The following ATOSA variants were observed in gnomAD, a reference collection of about 807,000 sequenced individuals.
The protein encoded by ATOSA is atos homolog protein A.
the ATOSA span, chr15:52,678,311 C>T: frequency 3.4e-6 from 2 of 583,544 alleles, no homozygotes; most frequent in East Asian, 2.8e-5. Context: ...CCTTCCCTGC[C>T]TCTGTGCTCT....
the ATOSA span, among the ~76,000 whole-genome samples, chr15:52,614,574 G>A: frequency 5.3e-5 from 8 of 151,942 alleles, no homozygotes; most frequent in South Asian, 6.3e-4. Flanking sequence ...CGGGCCGGGC[G>A]TGGTGGCTCA....
At chr15:52,679,765 C>A in the ATOSA span, among the ~76,000 whole-genome samples, 4 of 18,240 alleles carry the variant, frequency 2.2e-4, no homozygotes, top group Admixed American at 5.3e-4. Context: ...TCTCCTCCTC[C>A]TCCTCCTCCT....
At chr15:52,654,566 C>T in the ATOSA span, among the ~76,000 whole-genome samples, 59 of 152,248 alleles carry the variant, frequency 3.9e-4, no homozygotes, top group Middle Eastern at 6.8e-3. Context: ...AACAAACCTC[C>T]TTCCCCTGCT....
chr15:52,662,514 T>C, the ATOSA span, among the ~76,000 whole-genome samples: 1 of 152,174 alleles, frequency 6.6e-6, no homozygotes, highest in African/African-American at 2.4e-5. Context: ...CTCAAGCCTG[T>C]AATCCCAGCA....
the ATOSA span, chr15:52,609,519 A>G: frequency 4.0e-5 from 65 of 1,613,466 alleles, no homozygotes; most frequent in Non-Finnish European, 5.5e-5. Flanking sequence ...CAACAGGCAT[A>G]TGAGAATAAA....
the ATOSA span, among the ~76,000 whole-genome samples, chr15:52,642,972 T>G: frequency 6.6e-6 from 1 of 151,952 alleles, no homozygotes; most frequent in Non-Finnish European, 1.5e-5. Context: ...ACAGCCCCTA[T>G]CTACCTTTTT....
At chr15:52,593,701 G>A in the ATOSA span, 6 of 1,557,170 alleles carry the variant, frequency 3.9e-6, no homozygotes, top group South Asian at 7.1e-5. Context: ...CATCAACAAT[G>A]CCGAGAGGAT....
At chr15:52,691,436 A>C in the ATOSA span, among the ~76,000 whole-genome samples, 1 of 152,348 alleles carries the variant, frequency 6.6e-6, no homozygotes, top group African/African-American at 2.4e-5. Flanking sequence ...ACAGCAGGTA[A>C]CTTTTAATTA....
At chr15:52,687,840 T>C in the ATOSA span, among the ~76,000 whole-genome samples, 1,539 of 152,346 alleles carry the variant, frequency 0.01, 11 homozygotes, top group Non-Finnish European at 0.015. Flanking sequence ...TCAGAGTATA[T>C]GTCCCAGCTT....
At chr15:52,626,317 G>C in the ATOSA span, among the ~76,000 whole-genome samples, 1 of 152,088 alleles carries the variant, frequency 6.6e-6, no homozygotes, top group African/African-American at 2.4e-5. Context: ...AGATCATGTG[G>C]TTCCAGAAAC....
chr15:52,596,514 A>G, the ATOSA span, among the ~76,000 whole-genome samples: 7 of 152,324 alleles, frequency 4.6e-5, no homozygotes, highest in African/African-American at 1.7e-4. Context: ...ATCTAAACGT[A>G]TGAGCTAATA....
chr15:52,645,655 T>G, the ATOSA span, among the ~76,000 whole-genome samples: 1 of 152,158 alleles, frequency 6.6e-6, no homozygotes, highest in Non-Finnish European at 1.5e-5. Context: ...CCTGCACTAA[T>G]CCTATTCAAT....
chr15:52,623,540 C>T, the ATOSA span, among the ~76,000 whole-genome samples: 6 of 151,818 alleles, frequency 4.0e-5, no homozygotes, highest in African/African-American at 4.8e-5. Flanking sequence ...TAGAAGACGA[C>T]GAACAGCAAA....
chr15:52,618,832 G>C, the ATOSA span, among the ~76,000 whole-genome samples: 11 of 152,024 alleles, frequency 7.2e-5, no homozygotes, highest in African/African-American at 2.7e-4. Flanking sequence ...TTACAGGTGT[G>C]AGCCACTGCC....
chr15:52,678,296 C>G, the ATOSA span: 1 of 592,770 alleles, frequency 1.7e-6, no homozygotes, highest in African/African-American at 1.9e-5. Context: ...CCGGATCGAG[C>G]ACCCCCTTCC....
At chr15:52,636,521 T>C in the ATOSA span, among the ~76,000 whole-genome samples, 1 of 152,158 alleles carries the variant, frequency 6.6e-6, no homozygotes, top group Non-Finnish European at 1.5e-5. Flanking sequence ...TTCTTTATAT[T>C]ATCTTAAAAG....
chr15:52,653,127 G>A, the ATOSA span, among the ~76,000 whole-genome samples: 1 of 152,190 alleles, frequency 6.6e-6, no homozygotes, highest in South Asian at 2.1e-4. Flanking sequence ...GGAAAGGTTT[G>A]TGGGAGTAGG....
At chr15:52,600,187 T>C in the ATOSA span, 18 of 1,611,954 alleles carry the variant, frequency 1.1e-5, no homozygotes, top group Non-Finnish European at 1.5e-5. Flanking sequence ...TCAAAAATGG[T>C]TTTTCATGAA....
chr15:52,667,740 T>C, the ATOSA span, among the ~76,000 whole-genome samples: 2 of 152,180 alleles, frequency 1.3e-5, no homozygotes, highest in East Asian at 1.9e-4. Context: ...TGGATACATG[T>C]TGTATCTGGG....
Sources: allele counts gnomAD v4.1 joint callset (sites outside exome capture counted in the v4.1 genomes callset), GRCh38; gene constraint gnomAD v4.1.1; transcripts MANE v1.5; gene names NCBI Gene and HGNC (gene_info 2026-07-23, HGNC 2026-07-21).